Variants in WLS observed in about 807,000 individuals in gnomAD.
WLS encodes the protein protein wntless homolog.
WLS carries 23 observed loss-of-function variants against 62.8 expected under a neutral mutation model. The observed-to-expected ratio is 0.37, with a 90% CI of 0.26 to 0.52. WLS has a LOEUF of 0.52. Among genes scored for constraint, WLS ranks in the 20% least tolerant of loss-of-function variants. The probability of loss-of-function intolerance (pLI) is 0.92; values close to 1 mark genes in which losing one functional copy is unlikely to be tolerated. For synonymous variants in WLS, 246 were observed against 244.1 expected (o/e 1.01, Z -0.07); for missense variants, 615 against 697.3 (o/e 0.88, Z 1.33).
chr1:68,209,723 G>A (rs1181192517), intron 1 of WLS, among the ~76,000 whole-genome samples: 1 of 152,098 alleles, frequency 6.6e-6, no homozygotes, highest in Non-Finnish European at 1.5e-5. Flanking sequence ...GGAGGTTGCG[G>A]TGAGCCAAGA....
intron 11 of WLS, among the ~76,000 whole-genome samples, chr1:68,107,608 G>T (rs927530518): frequency 6.6e-6 from 1 of 152,096 alleles, no homozygotes; most frequent in Non-Finnish European, 1.5e-5. Flanking sequence ...CCTTTCAACT[G>T]TACCTCACTC....
chr1:68,200,253 CCTA>C (rs1010070865), intron 1 of WLS, among the ~76,000 whole-genome samples: 5 of 152,102 alleles, frequency 3.3e-5, no homozygotes, highest in Admixed American at 1.3e-4. Flanking sequence ...GATACTTTCT[CCTA>C]CTGACTTGAG....
intron 1 of WLS, among the ~76,000 whole-genome samples, chr1:68,205,266 A>G (rs370303731): frequency 2.6e-5 from 4 of 152,344 alleles, no homozygotes; most frequent in East Asian, 3.9e-4. Flanking sequence ...ATCCGTGTCA[A>G]GCAATATATT....
intron 2 of WLS, among the ~76,000 whole-genome samples, chr1:68,163,365 C>CGCGGTG (rs1647012477): frequency 6.6e-6 from 1 of 152,288 alleles, no homozygotes; most frequent in Non-Finnish European, 1.5e-5. Context: ...CTCTGGAGGC[C>CGCGGTG]GCGGTGGCGG....
intron 2 of WLS, chr1:68,162,489 G>A: frequency 1.1e-5 from 18 of 1,613,908 alleles, no homozygotes; most frequent in Non-Finnish European, 1.4e-5. Context: ...TGAATCCAAA[G>A]GCCTTGGCTC....
chr1:68,218,210 C>T (rs1288027588), intron 1 of WLS, among the ~76,000 whole-genome samples: 1 of 151,744 alleles, frequency 6.6e-6, no homozygotes, highest in Non-Finnish European at 1.5e-5. Flanking sequence ...AAAACATTAA[C>T]ATAGAATGGT....
chr1:68,137,777 C>T lies in WLS; in HGVS notation c.1516+3G>A, dbSNP rs1283563390. ...AAGCTGTTCTAAAGAGACAGAAACT[C>T]ACCATTGGACTGGTCTTCTCCATAG... On this transcript the variant is annotated splice_donor_region_variant and intron_variant, in intron 11 of 11. Transcript: ENST00000262348. The T allele has an allele frequency of 6.2e-6, 10 of 1,612,672 alleles. No individual in the cohort carries two copies. The highest frequency in any genetic ancestry group is 1.3e-5 in the African/African-American group (1 of 74,850).
intron 10 of WLS, chr1:68,138,307 A>G (rs559201813): frequency 9.5e-5 from 20 of 209,992 alleles, no homozygotes; most frequent in Non-Finnish European, 1.6e-4. Flanking sequence ...CTAGATGTCA[A>G]TTCCCTGCAG....
intron 2 of WLS, among the ~76,000 whole-genome samples, chr1:68,167,413 G>A (rs1475476067): frequency 6.6e-6 from 1 of 152,144 alleles, no homozygotes; most frequent in African/African-American, 2.4e-5. Flanking sequence ...CAGCATTAAT[G>A]ATGATGTTGC....
intron 11 of WLS, among the ~76,000 whole-genome samples, chr1:68,115,721 A>T (rs7540946): frequency 0.66 from 84,419 of 127,296 alleles, 24,072 homozygotes; most frequent in Non-Finnish European, 0.71. Context: ...TTTTAAAAAC[A>T]TCAACAAATT....
chr1:68,211,061 G>T (rs886624649), intron 1 of WLS, among the ~76,000 whole-genome samples: 3 of 152,208 alleles, frequency 2.0e-5, no homozygotes, highest in African/African-American at 7.2e-5. Flanking sequence ...CAACCATCCA[G>T]CTAGGGGACA....
At chr1:68,107,044 T>C (rs1304891774) in intron 11 of WLS, among the ~76,000 whole-genome samples, 1 of 152,110 alleles carries the variant, frequency 6.6e-6, no homozygotes, top group Non-Finnish European at 1.5e-5. Context: ...ATAAAGAAAA[T>C]GATCAAAATA....
chr1:68,122,385 T>TA (rs1646374274), downstream of WLS, among the ~76,000 whole-genome samples: 1 of 152,222 alleles, frequency 6.6e-6, no homozygotes, highest in Non-Finnish European at 1.5e-5. Context: ...GAGAAATGGT[T>TA]AAAACCACCC....
intron 1 of WLS, among the ~76,000 whole-genome samples, chr1:68,230,570 C>CGTGTGTGTGTGTGT (rs112351005): frequency 9.3e-5 from 11 of 118,584 alleles, no homozygotes; most frequent in African/African-American, 3.3e-4. Flanking sequence ...AAAGCCAACC[C>CGTGTGTGTGTGTGT]GTGTGTGTGT....
chr1:68,172,384 T>C (rs1647167907), intron 2 of WLS, among the ~76,000 whole-genome samples: 1 of 151,858 alleles, frequency 6.6e-6, no homozygotes, highest in Non-Finnish European at 1.5e-5. Context: ...AGAAATAGGA[T>C]TTGGAACTAT....
intron 2 of WLS, among the ~76,000 whole-genome samples, chr1:68,182,270 G>A (rs371543902): frequency 1.8e-4 from 28 of 152,298 alleles, no homozygotes; most frequent in African/African-American, 6.7e-4. Flanking sequence ...GCTCTATAGC[G>A]ATGCCTATGG....
chr1:68,165,866 T>C (rs1373915389), intron 2 of WLS, among the ~76,000 whole-genome samples: 1 of 152,186 alleles, frequency 6.6e-6, no homozygotes, highest in Non-Finnish European at 1.5e-5. Flanking sequence ...CTTCTAAATA[T>C]TTAGACACAT....
intron 10 of WLS, among the ~76,000 whole-genome samples, chr1:68,144,345 T>C (rs1171078006): frequency 6.6e-6 from 1 of 152,218 alleles, no homozygotes; most frequent in Non-Finnish European, 1.5e-5. Context: ...GGCTGTAGGC[T>C]TTTAATTTAT....
At chr1:68,104,229 T>A (rs924471184) in intron 11 of WLS, among the ~76,000 whole-genome samples, 1 of 152,134 alleles carries the variant, frequency 6.6e-6, no homozygotes, top group African/African-American at 2.4e-5. Flanking sequence ...AGACCCTGTT[T>A]CCCAGGAGAA....
Sources: allele counts gnomAD v4.1 joint callset (sites outside exome capture counted in the v4.1 genomes callset), GRCh38; gene constraint gnomAD v4.1.1; transcripts MANE v1.5; gene names NCBI Gene and HGNC (gene_info 2026-07-23, HGNC 2026-07-21).